Variants in HERC3 observed in about 807,000 individuals in gnomAD.
HERC3 encodes HECT and RLD domain containing E3 ubiquitin protein ligase 3.
A neutral mutation model predicts 129.9 loss-of-function variants in HERC3; 58 were observed. The observed-to-expected ratio is 0.45, with a 90% CI of 0.36 to 0.56. HERC3 has a LOEUF of 0.56. Among genes scored for constraint, HERC3 ranks in the 20% least tolerant of loss-of-function variants. The pLI, the probability that HERC3 is intolerant of heterozygous loss-of-function variation, is 0.00. For missense variants in HERC3, 835 were observed against 1,244.2 expected (o/e 0.67, Z 4.95); for synonymous variants, 430 against 451.0 (o/e 0.95, Z 0.59).
the HERC3 span, among the ~76,000 whole-genome samples, chr4:88,555,348 G>C: frequency 6.6e-6 from 1 of 151,782 alleles, no homozygotes; most frequent in Non-Finnish European, 1.5e-5. Context: ...AATATTTTTA[G>C]AGTGTGGAAT....
chr4:88,653,934 T>C, intron 6 of HERC3, 108 bp from the exon 7 acceptor site: 1 of 768,618 alleles, frequency 1.3e-6, no homozygotes, highest in Admixed American at 2.0e-5. Flanking sequence ...GGCAGGAAAC[T>C]GAACATGCGT....
chr4:88,661,960 G>T (rs1337352856), intron 10 of HERC3, among the ~76,000 whole-genome samples: 1 of 152,202 alleles, frequency 6.6e-6, no homozygotes, highest in African/African-American at 2.4e-5. Context: ...TGGGAAAGTT[G>T]TACTGAGTTG....
chr4:88,679,479 CT>C (rs765091841), intron 19 of HERC3, among the ~76,000 whole-genome samples: 11 of 149,414 alleles, frequency 7.4e-5, no homozygotes, highest in Non-Finnish European at 1.6e-4. Context: ...GTATTCTCTG[CT>C]TCTTTTATGT....
chr4:88,593,662 A>C (rs879651436), intron 1 of HERC3, among the ~76,000 whole-genome samples: 13 of 152,228 alleles, frequency 8.5e-5, no homozygotes, highest in Non-Finnish European at 1.6e-4. Flanking sequence ...AGACGATTCA[A>C]GAGCTCTCTT....
chr4:88,536,604 G>A, the HERC3 span, among the ~76,000 whole-genome samples: 1 of 152,164 alleles, frequency 6.6e-6, no homozygotes, highest in African/African-American at 2.4e-5. Context: ...ATCTAGCACA[G>A]TGGCTGGCAC....
At chr4:88,610,761 A>G (rs1044814861) in intron 3 of HERC3, among the ~76,000 whole-genome samples, 4 of 152,224 alleles carry the variant, frequency 2.6e-5, no homozygotes, top group African/African-American at 9.6e-5. Context: ...AACCTCGCAG[A>G]ACAATGATAG....
chr4:88,676,390 A>C lies in HERC3; in HGVS notation c.1992A>C (p.Lys664Asn). 1 of 1,612,110 alleles carries C rather than the reference A, an allele frequency of 6.2e-7. No individual in the cohort carries two copies. Among genetic ancestry groups the C allele is most frequent in the South Asian group, 1.1e-5 (1 of 91,036 alleles). Reference protein sequence around the residue: ...PFIFDAQAKTKMLQTDAELQM... With the variant: ...PFIFDAQAKTNMLQTDAELQM... The stretch of plus-strand genomic sequence containing the variant: ...TCTTTGATGCCCAAGCCAAGACCAA[A>C]ATGTTACAGACAGATGCTGAACTAC... Residue 664 changes from lysine (K) to asparagine (N), a missense_variant, in exon 18 of 26, where the codon AAA becomes AAC. Transcript: ENST00000402738.
the HERC3 span, among the ~76,000 whole-genome samples, chr4:88,581,618 A>G: frequency 6.6e-6 from 1 of 151,574 alleles, no homozygotes; most frequent in South Asian, 2.1e-4. Context: ...CTTTCTTTCT[A>G]TTTTTTAAAA....
chr4:88,622,451 C>T (rs934444632), intron 3 of HERC3, among the ~76,000 whole-genome samples: 1 of 151,166 alleles, frequency 6.6e-6, no homozygotes, highest in Non-Finnish European at 1.5e-5. Context: ...AACGTTTTTA[C>T]ACAATTTTTT....
chr4:88,677,948 G>C lies in HERC3; in HGVS notation c.2026-16G>C. 6.2e-7 allele frequency: 1 copy of C among 1,608,666 alleles called. No individual in the cohort carries two copies. Among genetic ancestry groups the C allele is most frequent in the Non-Finnish European group, 8.5e-7 (1 of 1,179,652 alleles). On this transcript the variant is annotated splice_polypyrimidine_tract_variant and intron_variant, in intron 18 of 25. Coordinates refer to ENST00000402738, the MANE Select transcript of HERC3 (RefSeq NM_014606.3). Reference sequence around the variant, plus strand: ...GTGTGCTCTGAGTAATTGCTTTCTTGACTGTGCCATTCCAGGTGGCAGTCA... The same window carrying C: ...GTGTGCTCTGAGTAATTGCTTTCTTCACTGTGCCATTCCAGGTGGCAGTCA...
At chr4:88,702,194 T>C (rs994508911) in intron 23 of HERC3, among the ~76,000 whole-genome samples, 2 of 152,200 alleles carry the variant, frequency 1.3e-5, no homozygotes, top group Non-Finnish European at 2.9e-5. Context: ...ATAAGCAAAA[T>C]CTCATATCCA....
chr4:88,572,816 A>AT, the HERC3 span, among the ~76,000 whole-genome samples: 20,748 of 149,624 alleles, frequency 0.14, 1,578 homozygotes, highest in East Asian at 0.18. Flanking sequence ...AAAAAAAAAA[A>AT]AATAATAATA....
chr4:88,548,212 A>G, the HERC3 span, among the ~76,000 whole-genome samples: 1 of 152,216 alleles, frequency 6.6e-6, no homozygotes, highest in Non-Finnish European at 1.5e-5. Flanking sequence ...ACTTCAATAT[A>G]TACCTAGGAT....
intron 13 of HERC3, 135 bp downstream of exon 13, chr4:88,667,623 A>C (rs1255593292): frequency 1.6e-6 from 1 of 645,152 alleles, no homozygotes; most frequent in Non-Finnish European, 2.7e-6. Flanking sequence ...TTACTCTGGG[A>C]ATTAGACCTA....
At chr4:88,670,280 G>T (rs1414208867) in intron 16 of HERC3, 28 bp downstream of exon 16, 1 of 1,455,458 alleles carries the variant, frequency 6.9e-7, no homozygotes, top group East Asian at 2.3e-5. Flanking sequence ...ATATTTTAAA[G>T]CTTTAGTCTT....
chr4:88,591,222 T>A (rs1362974996), upstream of HERC3, among the ~76,000 whole-genome samples: 1 of 152,208 alleles, frequency 6.6e-6, no homozygotes, highest in Non-Finnish European at 1.5e-5. Flanking sequence ...GTGTCAAGTG[T>A]GATCCAAATT....
chr4:88,558,367 G>A, the HERC3 span, among the ~76,000 whole-genome samples: 2 of 152,088 alleles, frequency 1.3e-5, no homozygotes, highest in Admixed American at 6.6e-5. Flanking sequence ...GGATGGAGAC[G>A]GAGGCCATTA....
At chr4:88,546,917 A>G in the HERC3 span, among the ~76,000 whole-genome samples, 1 of 152,174 alleles carries the variant, frequency 6.6e-6, no homozygotes, top group African/African-American at 2.4e-5. Flanking sequence ...ATAATGTGTC[A>G]TATTCCCCTA....
At chr4:88,677,232 T>C (rs1206607861) in intron 18 of HERC3, among the ~76,000 whole-genome samples, 1 of 152,184 alleles carries the variant, frequency 6.6e-6, no homozygotes, top group Non-Finnish European at 1.5e-5. Context: ...GTTTGCTGAC[T>C]CCTGACATAG....
Sources: allele counts gnomAD v4.1 joint callset (sites outside exome capture counted in the v4.1 genomes callset), GRCh38; gene constraint gnomAD v4.1.1; transcripts MANE v1.5; gene names NCBI Gene and HGNC (gene_info 2026-07-23, HGNC 2026-07-21).